The following AFF2 variants were observed in gnomAD, a reference collection of about 807,000 sequenced individuals.
AFF2 encodes ALF transcription elongation factor 2, also known as AF4/FMR2 family member 2.
AFF2 carries 14 observed loss-of-function variants against 76.9 expected under a neutral mutation model. The ratio of observed to expected loss-of-function variants is 0.18; its 90% CI spans 0.12 to 0.28. AFF2 has a LOEUF of 0.28. Ranked by LOEUF, AFF2 falls within the 10% of genes least tolerant of loss-of-function variation. The probability of loss-of-function intolerance (pLI) is 1.00; values close to 1 mark genes in which losing one functional copy is unlikely to be tolerated. For missense variants in AFF2, 868 were observed against 1,001.1 expected, an observed-to-expected ratio of 0.87 and a Z score of 1.79; for synonymous variants, 398 against 366.7, an observed-to-expected ratio of 1.09 and a Z score of -0.98.
At chrX:148,796,507 A>G (rs1429564048) in intron 3 of AFF2, among the ~76,000 whole-genome samples, 1 of 112,352 alleles carries the variant, frequency 8.9e-6, no homozygotes, top group Non-Finnish European at 1.9e-5. Flanking sequence ...CCGGGCTTCG[A>G]CTTTCTGCCC....
chrX:148,773,405 A>C, intron 3 of AFF2, among the ~76,000 whole-genome samples: 1 of 110,892 alleles, frequency 9.0e-6, no homozygotes, highest in Admixed American at 9.7e-5. Context: ...AGAAGAAAGT[A>C]ATCCTCCAAA....
chrX:148,995,683 A>T lies in AFF2; in HGVS notation c.*4351A>T, dbSNP rs1489243151. On this transcript the variant is annotated 3_prime_UTR_variant, in exon 21 of 21. Coordinates refer to ENST00000370460, the MANE Select transcript of AFF2 (RefSeq NM_002025.4). ...AGCTTTGCTGTTTCATTAACTGTGC[A>T]GTGTAGACTAATGGTGTTTAATAAA... 1 of 113,239 alleles carries T rather than the reference A, an allele frequency of 8.8e-6. No individual in the cohort carries two copies. Among genetic ancestry groups the T allele is most frequent in the African/African-American group, 3.2e-5 (1 of 31,087 alleles). The allele number at this position is 113,239 out of a possible 1,213,427, so 9.3% of individuals were successfully genotyped here.
chrX:148,841,875 T>G (rs2070604553), intron 5 of AFF2, among the ~76,000 whole-genome samples: 1 of 111,931 alleles, frequency 8.9e-6, no homozygotes, highest in African/African-American at 3.2e-5. Context: ...CTTTTCTGCC[T>G]CTTGTTGAGT....
intron 2 of AFF2, among the ~76,000 whole-genome samples, chrX:148,659,863 A>C (rs182571793): frequency 1.8e-5 from 2 of 112,181 alleles, no homozygotes; most frequent in Admixed American, 1.9e-4. Context: ...TGACAAACCT[A>C]GAGACTTTTA....
rs1455130354 is a variant in AFF2, at chrX:148,631,580, A to G, written c.48-20419A>G. The stretch of plus-strand genomic sequence containing the variant: ...ACAACAAGAAGGACAACAGAGAAAT[A>G]AAAGGGGCCAGATGGCTGTAAAGTG... On this transcript the variant is annotated intron_variant, in intron 1 of 20. Coordinates refer to ENST00000370460, the MANE Select transcript of AFF2 (RefSeq NM_002025.4). Among the ~76,000 whole-genome samples, 5 of 112,263 alleles carry G rather than the reference A, an allele frequency of 4.5e-5. No homozygotes were observed. In the East Asian group the frequency reaches 1.4e-3, roughly 32 times the overall value.
At chrX:148,833,586 A>C (rs2070481734) in intron 4 of AFF2, among the ~76,000 whole-genome samples, 1 of 91,764 alleles carries the variant, frequency 1.1e-5, no homozygotes, top group South Asian at 6.3e-4. Flanking sequence ...TGGGTGACAG[A>C]GTGAGACGCT....
In AFF2 at chrX:148,972,953, A is replaced by G. The variant is rs907415143; in HGVS notation, c.3268-518A>G. The stretch of plus-strand genomic sequence containing the variant: ...ATCCATCTTGAATTGATTTTTGTAT[A>G]AGGTGTAAGGAAGGGATCCAGTTTC... On this transcript the variant is annotated intron_variant, in intron 15 of 20. Transcript: ENST00000370460. Among the ~76,000 whole-genome samples the G allele has an allele frequency of 6.5e-4, 44 of 67,264 alleles. 1 individual carries two copies. The highest frequency in any genetic ancestry group is 2.5e-3 in the African/African-American group (44 of 17,731). The allele number at this position is 67,264 out of a possible 115,157, so 58.4% of individuals were successfully genotyped here.
intron 1 of AFF2, among the ~76,000 whole-genome samples, chrX:148,584,854 T>A (rs1427407956): frequency 9.0e-6 from 1 of 111,651 alleles, no homozygotes; most frequent in Non-Finnish European, 1.9e-5. Flanking sequence ...GATCACTTTT[T>A]AACTCAATGC....
intron 1 of AFF2, among the ~76,000 whole-genome samples, chrX:148,647,554 C>T (rs2188395): frequency 0.2 from 21,542 of 110,446 alleles, 1,556 homozygotes; most frequent in Non-Finnish European, 0.21. Context: ...TATCTATACT[C>T]GAATCTAAAT....
intron 3 of AFF2, among the ~76,000 whole-genome samples, chrX:148,720,425 T>C (rs2055077530): frequency 9.1e-6 from 1 of 109,916 alleles, no homozygotes; most frequent in African/African-American, 3.3e-5. Flanking sequence ...TATATAGATA[T>C]ATATATTTAA....
chrX:148,642,864 GC>G (rs782362892), intron 1 of AFF2, among the ~76,000 whole-genome samples: 1 of 112,629 alleles, frequency 8.9e-6, no homozygotes, highest in East Asian at 2.8e-4. Context: ...CTTGCCTCAA[GC>G]CAGAATTCAA....
intron 1 of AFF2, among the ~76,000 whole-genome samples, chrX:148,558,111 C>G (rs2053071952): frequency 8.9e-6 from 1 of 111,960 alleles, no homozygotes; most frequent in Admixed American, 9.5e-5. Flanking sequence ...CTTGGTTGAT[C>G]AAGGCAAAAG....
intron 3 of AFF2, among the ~76,000 whole-genome samples, chrX:148,801,997 G>T (rs2070065587): frequency 9.0e-6 from 1 of 111,631 alleles, no homozygotes; most frequent in African/African-American, 3.3e-5. Flanking sequence ...CTTATTTAAT[G>T]ACCAGTTTTT....
Position 148,997,835 on chromosome X carries a change from C to G in AFF2, c.*6503C>G, listed in dbSNP as rs1356814312. On this transcript the variant is annotated 3_prime_UTR_variant, in exon 21 of 21. Transcript: ENST00000370460. ...ATCCCCTAATTCAAAACCATCCTCACTAATCAATCATATTCACCCATAAAT... is the reference window on the plus strand; with the variant it reads ...ATCCCCTAATTCAAAACCATCCTCAGTAATCAATCATATTCACCCATAAAT... The G allele has an allele frequency of 3.6e-5, 4 of 112,337 alleles. 1 individual carries two copies. The highest frequency in any genetic ancestry group is 9.7e-5 in the African/African-American group (3 of 30,909). The allele number at this position is 112,337 out of a possible 1,213,427, so 9.3% of individuals were successfully genotyped here.
intron 4 of AFF2, among the ~76,000 whole-genome samples, chrX:148,824,571 G>A (rs944154125): frequency 2.7e-5 from 3 of 111,489 alleles, no homozygotes; most frequent in Non-Finnish European, 5.6e-5. Context: ...CCTCCATAAA[G>A]TTCGAGAATA....
chrX:148,926,813 G>A (rs1378411423), intron 9 of AFF2, among the ~76,000 whole-genome samples: 1 of 111,907 alleles, frequency 8.9e-6, no homozygotes, highest in Non-Finnish European at 1.9e-5. Context: ...TAAAATGAAA[G>A]CTTATTGGTG....
intron 9 of AFF2, among the ~76,000 whole-genome samples, chrX:148,940,401 A>C (rs1440285424): frequency 5.3e-5 from 6 of 112,305 alleles, no homozygotes; most frequent in African/African-American, 1.9e-4. Flanking sequence ...TTTCTGATGA[A>C]GTGGTTGACC....
At chrX:148,905,864 AT>A (rs2071402208) in intron 9 of AFF2, among the ~76,000 whole-genome samples, 1 of 112,681 alleles carries the variant, frequency 8.9e-6, no homozygotes, top group Admixed American at 9.3e-5. Flanking sequence ...CAGTAATTGT[AT>A]TTTTATGAGT....
At chrX:148,720,129 A>G in intron 3 of AFF2, among the ~76,000 whole-genome samples, 1 of 110,469 alleles carries the variant, frequency 9.1e-6, no homozygotes, top group African/African-American at 3.3e-5. Flanking sequence ...GAGATCTATG[A>G]GCATAATATA....
Sources: allele counts gnomAD v4.1 joint callset (sites outside exome capture counted in the v4.1 genomes callset), GRCh38; gene constraint gnomAD v4.1.1; transcripts MANE v1.5; gene names NCBI Gene and HGNC (gene_info 2026-07-23, HGNC 2026-07-21).